Variants in ANKS1A observed in about 807,000 individuals in gnomAD.
ANKS1A encodes the protein ankyrin repeat and sterile alpha motif domain containing 1A, also known as ankyrin repeat and SAM domain-containing protein 1A.
Under a neutral mutation model 120.3 loss-of-function variants are expected in ANKS1A, and 55 were observed. The observed-to-expected ratio is 0.46, with a 90% CI of 0.37 to 0.57. The LOEUF is 0.57. ANKS1A is among the 20% of genes least tolerant of loss of function. The pLI, the probability that ANKS1A is intolerant of heterozygous loss-of-function variation, is 0.00. For synonymous variants in ANKS1A, 590 were observed against 604.7 expected, an observed-to-expected ratio of 0.98 and a Z score of 0.36; for missense variants, 1,123 against 1,480.3, an observed-to-expected ratio of 0.76 and a Z score of 3.96.
In ANKS1A at chr6:35,079,927, G is replaced by A. The variant is rs182308804; in HGVS notation, c.2543G>A (p.Arg848Lys). The A allele has an allele frequency of 1.8e-5, 28 of 1,554,486 alleles. No homozygotes were observed. In the Admixed American group the frequency reaches 4.9e-4, roughly 27 times the overall value. Residue 848 changes from arginine to lysine, a missense_variant and splice_region_variant, in exon 16 of 24, where the codon AGG becomes AAG. By Grantham distance (26) the Arg-to-Lys change is conservative. Around this residue, in one of 3 missense-constraint regions of ANKS1A, gnomAD observed 904 missense variants for 1,130.4 expected, o/e 0.80. Transcript: ENST00000360359. Reference protein sequence around the residue: ...PQKPPRFSQLRCQDLLSQTSS... With the variant: ...PQKPPRFSQLKCQDLLSQTSS... ...AAGCCCCCCAGATTCTCCCAGCTGA[G>A]GGTGAGTCGGGGAGGGACAGAAAGG...
chr6:35,097,584 G>C, the ANKS1A span, among the ~76,000 whole-genome samples: 2 of 143,448 alleles, frequency 1.4e-5, no homozygotes, highest in Admixed American at 1.5e-4. Context: ...AGGTTTCTCT[G>C]TCCAGCATAA....
At chr6:35,071,410 G>GTCA in intron 13 of ANKS1A, among the ~76,000 whole-genome samples, 1 of 152,166 alleles carries the variant, frequency 6.6e-6, no homozygotes, top group Non-Finnish European at 1.5e-5. Context: ...GAGTCAGGTT[G>GTCA]GCACTCGGTG....
chr6:34,983,527 G>A (rs1410653758), intron 7 of ANKS1A, 102 bp downstream of exon 7: 3 of 986,336 alleles, frequency 3.0e-6, no homozygotes, highest in Non-Finnish European at 4.6e-6. Flanking sequence ...ATAATTTTGG[G>A]GGATTGTGAG....
In ANKS1A at chr6:34,933,456, C is replaced by T. The variant is rs558197213; in HGVS notation, c.198-33783C>T. Among the ~76,000 whole-genome samples, 8 of 152,250 alleles carry T rather than the reference C, an allele frequency of 5.3e-5. No individual in the cohort carries two copies. In the South Asian group the frequency reaches 6.2e-4, roughly 12 times the overall value. On this transcript the variant is annotated intron_variant, in intron 1 of 23. Transcript: ENST00000360359. ...CGCGATCTCGTCTCACTGCAACCAC[C>T]GCCTCCTGGATTCAAGCGATTCTCC...
rs866702004 is a variant in ANKS1A at position 34,976,781 on chromosome 6, T to C, written c.436-4909T>C. 8.2e-3 allele frequency among the ~76,000 whole-genome samples: 1,205 copies of C among 147,330 alleles called. 12 individuals are homozygous for C. The highest frequency in any genetic ancestry group is 0.029 in the African/African-American group (1,132 of 39,204). The stretch of plus-strand genomic sequence containing the variant: ...TTTTCTCTTTCTGTGTGTGTGCGTG[T>C]GTGTGTGTGTGTGTGTGTATGCAAT... On this transcript the variant is annotated intron_variant, in intron 3 of 23. Coordinates refer to ENST00000360359, the MANE Select transcript of ANKS1A (RefSeq NM_015245.3).
At chr6:34,914,985 C>T (rs2127460354) in intron 1 of ANKS1A, among the ~76,000 whole-genome samples, 1 of 152,292 alleles carries the variant, frequency 6.6e-6, no homozygotes, top group South Asian at 2.1e-4. Flanking sequence ...GTGATTGTTC[C>T]ACCTTGGGCA....
intron 11 of ANKS1A, among the ~76,000 whole-genome samples, chr6:35,036,711 T>A (rs1775191899): frequency 6.6e-6 from 1 of 152,246 alleles, no homozygotes; most frequent in African/African-American, 2.4e-5. Flanking sequence ...CTGGTCAGCC[T>A]TCATGTTGCT....
chr6:34,983,013 G>T (rs1771981383), intron 5 of ANKS1A, 100 bp from the exon 6 acceptor site: 3 of 1,307,722 alleles, frequency 2.3e-6, no homozygotes, highest in Non-Finnish European at 3.3e-6. Flanking sequence ...GAAAAATGTT[G>T]GCCATGCTGC....
At chr6:34,919,887 C>A (rs144690802) in intron 1 of ANKS1A, among the ~76,000 whole-genome samples, 7 of 152,098 alleles carry the variant, frequency 4.6e-5, no homozygotes, top group African/African-American at 1.4e-4. Context: ...CTTGAGGGGG[C>A]CCTTCCAAAG....
chr6:35,047,103 G>A (rs183205708), intron 11 of ANKS1A, among the ~76,000 whole-genome samples: 53 of 152,282 alleles, frequency 3.5e-4, no homozygotes, highest in Non-Finnish European at 6.5e-4. Flanking sequence ...TTCCTGTTTC[G>A]CAAGTTCAGA....
In ANKS1A at chr6:34,978,753, C is replaced by T. The variant is rs185135610; in HGVS notation, c.436-2937C>T. On this transcript the variant is annotated intron_variant, in intron 3 of 23. Transcript: ENST00000360359. Reference sequence around the variant, plus strand: ...CTGGGAGGCGGAGGTTGCGGTGAGCCGAGATCATGCCATTGCACCCCAGCC... The same window carrying T: ...CTGGGAGGCGGAGGTTGCGGTGAGCTGAGATCATGCCATTGCACCCCAGCC... Among the ~76,000 whole-genome samples, 32 of 143,066 alleles carry T rather than the reference C, an allele frequency of 2.2e-4. No individual in the cohort carries two copies. In the East Asian group the frequency reaches 2.4e-3, roughly 11 times the overall value. The allele number at this position is 143,066 out of a possible 152,430, so 93.9% of individuals were successfully genotyped here. A position where few individuals can be genotyped will look rare whatever the true frequency, so the allele number is the denominator to read the frequency against.
intron 1 of ANKS1A, among the ~76,000 whole-genome samples, chr6:34,950,250 G>A (rs1413242215): frequency 1.5e-5 from 2 of 129,988 alleles, no homozygotes; most frequent in East Asian, 2.4e-4. Flanking sequence ...TTTTTGGGAC[G>A]GAGTCTTGCT....
Position 35,084,403 on chromosome 6 carries a change from C to T in ANKS1A, c.3132+145C>T. 5 of 1,197,968 alleles carry T rather than the reference C, an allele frequency of 4.2e-6. No individual in the cohort carries two copies. Among genetic ancestry groups the T allele is most frequent in the Non-Finnish European group, 5.7e-6 (5 of 881,346 alleles). 74.2% of individuals were successfully genotyped at this position (1,197,968 alleles called of 1,614,324 possible). On this transcript the variant is annotated intron_variant, in intron 21 of 23. Coordinates refer to ENST00000360359, the MANE Select transcript of ANKS1A (RefSeq NM_015245.3). This position sits in a 1 kb window ranked among gnomAD's most constrained non-coding sequence, Gnocchi z 4.8. Reference sequence around the variant, plus strand: ...TTGGTTCATGAATGGAGCCCAGCAGCACTCAGGCCGGTCCCCTTTCACAGT... The same window carrying T: ...TTGGTTCATGAATGGAGCCCAGCAGTACTCAGGCCGGTCCCCTTTCACAGT...
At chr6:35,061,444 A>G (rs1307667590) in intron 13 of ANKS1A, among the ~76,000 whole-genome samples, 4 of 152,186 alleles carry the variant, frequency 2.6e-5, no homozygotes, top group Non-Finnish European at 4.4e-5. Flanking sequence ...GGTCAGAGTC[A>G]GCATGCAGCT....
Position 34,994,334 on chromosome 6 carries a change from T to C in ANKS1A, c.1335T>C (p.Ser445=). 6.2e-7 allele frequency: 1 copy of C among 1,613,644 alleles called. No individual in the cohort carries two copies. The highest frequency in any genetic ancestry group is 8.5e-7 in the Non-Finnish European group (1 of 1,179,680). ...CCATGAGACCTAGGATTCATGGGAG[T>C]GCAGCCCGGGAAGAAGACGAACACC... is the stretch of plus-strand genomic sequence containing the variant. ...VLSMRPRIHG[S]AAREEDEHPY... Residue 445 remains serine, a synonymous_variant, in exon 10 of 24, where the codon AGT becomes AGC. Coordinates refer to ENST00000360359, the MANE Select transcript of ANKS1A (RefSeq NM_015245.3).
downstream of ANKS1A, among the ~76,000 whole-genome samples, chr6:35,092,257 G>A (rs892417568): frequency 3.3e-5 from 5 of 152,286 alleles, no homozygotes; most frequent in South Asian, 2.1e-4. Flanking sequence ...AGCACTGAAC[G>A]CTTTTATTCC....
chr6:35,008,414 A>AT (rs1428899484), intron 10 of ANKS1A, among the ~76,000 whole-genome samples: 1 of 152,098 alleles, frequency 6.6e-6, no homozygotes, highest in East Asian at 1.9e-4. Context: ...TTCTCACTGT[A>AT]TTGTCCAGGC....
chr6:34,978,719 C>T (rs1771738944), intron 3 of ANKS1A, among the ~76,000 whole-genome samples: 1 of 146,900 alleles, frequency 6.8e-6, no homozygotes, highest in African/African-American at 2.5e-5. Context: ...GCAGGAGAAT[C>T]GCTTGAACCT....
At chr6:34,993,386 C>T (rs767858878) in intron 9 of ANKS1A, among the ~76,000 whole-genome samples, 12 of 152,296 alleles carry the variant, frequency 7.9e-5, no homozygotes, top group South Asian at 4.1e-4. Context: ...CTGGTCAAAG[C>T]CTTACAGTTG....
Sources: allele counts gnomAD v4.1 joint callset (sites outside exome capture counted in the v4.1 genomes callset), GRCh38; gene constraint gnomAD v4.1.1; regional missense constraint gnomAD v4.1.1; non-coding constraint Gnocchi (gnomAD v3.1); transcripts MANE v1.5; gene names NCBI Gene and HGNC (gene_info 2026-07-23, HGNC 2026-07-21).